XNDC1N: variants seen among roughly 807,000 people sequenced by gnomAD.
XNDC1N encodes protein XNDC1N.
the XNDC1N span, among the ~76,000 whole-genome samples, chr11:71,926,450 T>C: frequency 1.3e-5 from 2 of 152,172 alleles, no homozygotes; most frequent in African/African-American, 4.8e-5. Flanking sequence ...AGCAAGCTCT[T>C]TGAGGATGTG....
the XNDC1N span, among the ~76,000 whole-genome samples, chr11:71,914,690 G>GAA: frequency 2.1e-5 from 3 of 139,564 alleles, no homozygotes; most frequent in Admixed American, 7.2e-5. Context: ...TTTGTCTCGG[G>GAA]AAAAAAAAAA....
the XNDC1N span, among the ~76,000 whole-genome samples, chr11:71,925,243 G>A: frequency 1.8e-4 from 27 of 151,866 alleles, no homozygotes; most frequent in African/African-American, 5.3e-4. Context: ...GTAAGCTCTC[G>A]GCGGACAGGT....
the XNDC1N span, chr11:71,923,250 T>C: frequency 1.4e-6 from 1 of 701,176 alleles, no homozygotes; most frequent in African/African-American, 1.8e-5. Flanking sequence ...CCAAGACTCC[T>C]ATTTTTTTCA....
At chr11:71,899,887 C>T in the XNDC1N span, among the ~76,000 whole-genome samples, 1 of 152,150 alleles carries the variant, frequency 6.6e-6, no homozygotes, top group Non-Finnish European at 1.5e-5. Flanking sequence ...CCTGCCTGCC[C>T]CTGGGAAATG....
the XNDC1N span, among the ~76,000 whole-genome samples, chr11:71,892,719 C>T: frequency 1.3e-5 from 2 of 151,956 alleles, no homozygotes; most frequent in Non-Finnish European, 2.9e-5. Context: ...CGGGGTTTCA[C>T]CAGGTTGGTC....
At chr11:71,867,994 G>T in the XNDC1N span, among the ~76,000 whole-genome samples, 3 of 152,190 alleles carry the variant, frequency 2.0e-5, no homozygotes, top group Non-Finnish European at 1.5e-5. Context: ...ATATATTTAA[G>T]ATAGCTAAGT....
At chr11:71,899,787 C>T in the XNDC1N span, among the ~76,000 whole-genome samples, 4 of 152,190 alleles carry the variant, frequency 2.6e-5, no homozygotes, top group Admixed American at 6.5e-5. Flanking sequence ...TGACCGTCGC[C>T]GAGCCCGACA....
At chr11:71,892,608 C>T in the XNDC1N span, among the ~76,000 whole-genome samples, 1 of 152,144 alleles carries the variant, frequency 6.6e-6, no homozygotes, top group Non-Finnish European at 1.5e-5. Context: ...CCAATCTCTG[C>T]CTTCCAGGTT....
the XNDC1N span, among the ~76,000 whole-genome samples, chr11:71,923,756 C>T: frequency 6.6e-6 from 1 of 152,060 alleles, no homozygotes; most frequent in African/African-American, 2.4e-5. Flanking sequence ...GGAGTTTCAC[C>T]GTGTTAGCCA....
At chr11:71,921,596 AAG>A in the XNDC1N span, among the ~76,000 whole-genome samples, 2 of 152,208 alleles carry the variant, frequency 1.3e-5, no homozygotes, top group Admixed American at 1.3e-4. Flanking sequence ...CCATAAGTAA[AAG>A]AGAGAGACCA....
chr11:71,919,774 T>C, the XNDC1N span, among the ~76,000 whole-genome samples: 14 of 134,038 alleles, frequency 1.0e-4, no homozygotes, highest in South Asian at 5.1e-4. Flanking sequence ...CCCACCACCA[T>C]GCCCGGCTAA....
chr11:71,915,274 C>T, the XNDC1N span, among the ~76,000 whole-genome samples: 331 of 152,176 alleles, frequency 2.2e-3, no homozygotes, highest in Non-Finnish European at 4.0e-3. Flanking sequence ...CGGTGAAACC[C>T]TGTCTCTACT....
the XNDC1N span, among the ~76,000 whole-genome samples, chr11:71,881,279 CTT>C: frequency 5.3e-5 from 8 of 152,108 alleles, no homozygotes; most frequent in African/African-American, 1.9e-4. Flanking sequence ...TTCTTTGTCT[CTT>C]TTTATGTTTT....
At chr11:71,872,591 G>A in the XNDC1N span, among the ~76,000 whole-genome samples, 22 of 152,220 alleles carry the variant, frequency 1.4e-4, no homozygotes, top group African/African-American at 4.8e-4. Flanking sequence ...AGCTGGGCGT[G>A]GTGGCGGGCG....
the XNDC1N span, chr11:71,893,822 T>G: frequency 2.0e-6 from 2 of 1,014,880 alleles, no homozygotes; most frequent in Non-Finnish European, 2.8e-6. Flanking sequence ...CTGACTGTGA[T>G]GACCTATGAC....
At chr11:71,906,842 C>T in the XNDC1N span, among the ~76,000 whole-genome samples, 4 of 152,050 alleles carry the variant, frequency 2.6e-5, no homozygotes, top group Admixed American at 2.0e-4. Flanking sequence ...AGAAACATTT[C>T]CCTAGAATAT....
chr11:71,910,025 C>T, the XNDC1N span, among the ~76,000 whole-genome samples: 3 of 152,138 alleles, frequency 2.0e-5, no homozygotes, highest in Non-Finnish European at 4.4e-5. Flanking sequence ...CCGGGATTGG[C>T]CAGTGAAGAC....
the XNDC1N span, among the ~76,000 whole-genome samples, chr11:71,905,498 G>A: frequency 3.3e-5 from 5 of 151,844 alleles, no homozygotes; most frequent in African/African-American, 1.2e-4. Context: ...AGGATATTTC[G>A]AATGATGTCA....
At chr11:71,869,521 T>C in the XNDC1N span, among the ~76,000 whole-genome samples, 1 of 152,228 alleles carries the variant, frequency 6.6e-6, no homozygotes, top group Non-Finnish European at 1.5e-5. Flanking sequence ...TACGTCTGCA[T>C]CAGCATGGCC....
Sources: gnomAD v4.1 joint callset for allele counts (sites outside exome capture counted in the v4.1 genomes callset) on GRCh38, gnomAD v4.1.1 for gene constraint, MANE v1.5 for transcripts, NCBI Gene and HGNC (gene_info 2026-07-23, HGNC 2026-07-21) for gene names.